PCDH11X: variants seen among roughly 807,000 people sequenced by gnomAD.
The protein encoded by PCDH11X is protocadherin-11 X-linked.
In PCDH11X, 18 loss-of-function variants were observed where a neutral mutation model predicts 53.3. The ratio of observed to expected loss-of-function variants is 0.34; its 90% CI spans 0.23 to 0.50. The LOEUF (loss-of-function observed/expected upper bound fraction) is 0.50, where lower values mean the gene tolerates loss of function less well. Among genes scored for constraint, PCDH11X ranks in the 20% least tolerant of loss-of-function variants. The probability of loss-of-function intolerance (pLI) is 0.98; values close to 1 mark genes in which losing one functional copy is unlikely to be tolerated. For synonymous variants in PCDH11X, 279 were observed against 393.3 expected, an observed-to-expected ratio of 0.71 and a Z score of 3.44; for missense variants, 570 against 1,032.4, an observed-to-expected ratio of 0.55 and a Z score of 6.14.
chrX:92,511,040 T>C (rs1482871462), intron 10 of PCDH11X, among the ~76,000 whole-genome samples: 1 of 111,285 alleles, frequency 9.0e-6, no homozygotes, highest in Non-Finnish European at 1.9e-5. Flanking sequence ...CCAGATGTAA[T>C]TTAGGAATAG....
chrX:91,835,195 ATATT>A, intron 4 of PCDH11X: 1 of 750,798 alleles, frequency 1.3e-6, no homozygotes, highest in Non-Finnish European at 1.8e-6. Context: ...TATCTTTTAT[ATATT>A]TATCAATGGT....
intron 6 of PCDH11X, among the ~76,000 whole-genome samples, chrX:92,122,217 A>G (rs1342677032): frequency 9.1e-6 from 1 of 110,493 alleles, no homozygotes; most frequent in Non-Finnish European, 1.9e-5. Flanking sequence ...TCCTGACCTC[A>G]GGTGATCTGC....
At chrX:92,052,485 A>G (rs1291160381) in intron 6 of PCDH11X, among the ~76,000 whole-genome samples, 1 of 70,117 alleles carries the variant, frequency 1.4e-5, no homozygotes, top group Non-Finnish European at 2.7e-5. Flanking sequence ...GAAGAAAATT[A>G]TTTAAAAATA....
At chrX:92,385,887 A>T (rs1354527133) in intron 8 of PCDH11X, among the ~76,000 whole-genome samples, 2 of 111,195 alleles carry the variant, frequency 1.8e-5, no homozygotes, top group East Asian at 5.7e-4. Flanking sequence ...AATATTACTT[A>T]GTTCCAGCAA....
chrX:92,132,675 G>A (rs12387391), intron 6 of PCDH11X, among the ~76,000 whole-genome samples: 1,215 of 48,983 alleles, frequency 0.025, 20 homozygotes, highest in African/African-American at 0.097. Context: ...ATATGTATAT[G>A]TATATATATA....
In PCDH11X at chrX:91,829,413, TAC is replaced by T. The variant is rs756637346; in HGVS notation, c.-44-6019_-44-6018del. On this transcript the variant is annotated intron_variant, in intron 4 of 10. Transcript: ENST00000682573. Reference sequence around the variant, plus strand: ...CCAGTGAAGACACAAATATATATATTACACACACACACACACACACACACACA... The same window carrying T: ...CCAGTGAAGACACAAATATATATATTACACACACACACACACACACACACA... Among the ~76,000 whole-genome samples the T allele has an allele frequency of 9.0e-3, 727 of 81,130 alleles. 5 individuals are homozygous for T. The highest frequency in any genetic ancestry group is 0.059 in the South Asian group (90 of 1,531). 70.5% of individuals were successfully genotyped at this position (81,130 alleles called of 115,157 possible). A position where few individuals can be genotyped will look rare whatever the true frequency, so the allele number is the denominator to read the frequency against.
At chrX:92,038,707 C>T (rs1205181666) in intron 6 of PCDH11X, among the ~76,000 whole-genome samples, 2 of 107,973 alleles carry the variant, frequency 1.9e-5, no homozygotes, top group Non-Finnish European at 3.8e-5. Flanking sequence ...TTGTAACACC[C>T]ACAATTGCCA....
intron 10 of PCDH11X, among the ~76,000 whole-genome samples, chrX:92,491,387 A>G (rs1254131762): frequency 1.8e-5 from 2 of 110,681 alleles, no homozygotes. Flanking sequence ...GCTTTATACA[A>G]GAGATTTGGC....
chrX:91,931,127 G>GGTGTGTGT (rs199653186), intron 6 of PCDH11X, among the ~76,000 whole-genome samples: 40 of 98,864 alleles, frequency 4.0e-4, no homozygotes, highest in African/African-American at 1.3e-3. Flanking sequence ...AAGCTTTAGT[G>GGTGTGTGT]GTGTGTGTGT....
intron 5 of PCDH11X, among the ~76,000 whole-genome samples, chrX:91,854,092 C>T (rs1193506419): frequency 3.6e-5 from 4 of 110,867 alleles, no homozygotes; most frequent in Non-Finnish European, 7.6e-5. Context: ...TGTTAGCAAA[C>T]GCTAGGTCTT....
chrX:91,914,447 G>A (rs1238288113), intron 6 of PCDH11X, among the ~76,000 whole-genome samples: 3 of 111,336 alleles, frequency 2.7e-5, no homozygotes, highest in East Asian at 5.7e-4. Context: ...AGATTATTAA[G>A]CTACTCAAGG....
At chrX:92,105,029 G>A (rs1356717226) in intron 6 of PCDH11X, among the ~76,000 whole-genome samples, 2 of 106,547 alleles carry the variant, frequency 1.9e-5, no homozygotes, top group Non-Finnish European at 3.9e-5. Flanking sequence ...TGCGTGGTCT[G>A]ACATCCTTGA....
chrX:92,502,853 G>A (rs1286122982), intron 10 of PCDH11X, among the ~76,000 whole-genome samples: 1 of 111,074 alleles, frequency 9.0e-6, no homozygotes, highest in Non-Finnish European at 1.9e-5. Flanking sequence ...AGCAATAATT[G>A]ACAAATGAGA....
chrX:91,929,740 T>A (rs1942061840), intron 6 of PCDH11X, among the ~76,000 whole-genome samples: 1 of 111,624 alleles, frequency 9.0e-6, no homozygotes, highest in Admixed American at 9.5e-5. Flanking sequence ...ACTCCATTGT[T>A]CAATGAGATT....
intron 6 of PCDH11X, among the ~76,000 whole-genome samples, chrX:92,111,069 T>C (rs1009811670): frequency 3.7e-5 from 4 of 107,304 alleles, no homozygotes; most frequent in African/African-American, 6.8e-5. Flanking sequence ...TTCTAAATAC[T>C]TGGCAAAGGA....
rs189225429 is a variant in PCDH11X at position 92,140,090 on chromosome X, C to A, written c.3034-61285C>A. Among the ~76,000 whole-genome samples, 416 of 108,430 alleles carry A rather than the reference C, an allele frequency of 3.8e-3. 2 individuals are homozygous for A. The highest frequency in any genetic ancestry group is 0.014 in the African/African-American group (405 of 29,917). 94.2% of individuals were successfully genotyped at this position (108,430 alleles called of 115,157 possible). ...TATAGACATAAATAAACAATATTTT[C>A]AAAATTTCTAAGTATATTTCAAAAG... On this transcript the variant is annotated intron_variant, in intron 6 of 10. Coordinates refer to ENST00000682573, the MANE Select transcript of PCDH11X (RefSeq NM_032968.5).
rs1309838894 is a variant in PCDH11X at position 91,810,457 on chromosome X, G to A, written c.-209-16G>A. ...GGTTTCTTGAAAGCCAACTGAAAGTGTTTTACCCCTCATAGGAAAATCCTG... is the reference window on the plus strand; with the variant it reads ...GGTTTCTTGAAAGCCAACTGAAAGTATTTTACCCCTCATAGGAAAATCCTG... On this transcript the variant is annotated splice_polypyrimidine_tract_variant and intron_variant, in intron 2 of 10. Coordinates refer to ENST00000682573, the MANE Select transcript of PCDH11X (RefSeq NM_032968.5). 3.6e-5 allele frequency: 4 copies of A among 111,890 alleles called. No homozygotes were observed. Among genetic ancestry groups the A allele is most frequent in the Non-Finnish European group, 5.6e-5 (3 of 53,166 alleles). 9.2% of individuals were successfully genotyped at this position (111,890 alleles called of 1,213,427 possible). A position where few individuals can be genotyped will look rare whatever the true frequency, so the allele number is the denominator to read the frequency against.
At chrX:92,098,772 C>G (rs1465256616) in intron 6 of PCDH11X, among the ~76,000 whole-genome samples, 1 of 108,232 alleles carries the variant, frequency 9.2e-6, no homozygotes, top group Non-Finnish European at 1.9e-5. Context: ...CTCAGCCTCC[C>G]GAGTAGCTGG....
At chrX:92,110,441 G>A (rs994910779) in intron 6 of PCDH11X, among the ~76,000 whole-genome samples, 3 of 107,678 alleles carry the variant, frequency 2.8e-5, no homozygotes, top group Non-Finnish European at 3.8e-5. Flanking sequence ...GGATGCACCC[G>A]GGAGACAGGT....
Sources: gnomAD v4.1 joint callset for allele counts (sites outside exome capture counted in the v4.1 genomes callset) on GRCh38, gnomAD v4.1.1 for gene constraint, MANE v1.5 for transcripts, NCBI Gene and HGNC (gene_info 2026-07-23, HGNC 2026-07-21) for gene names.